Variants in ADPGK observed in about 807,000 individuals in gnomAD.
ADPGK encodes ADP-dependent glucokinase.
Under a neutral mutation model 42.4 loss-of-function variants are expected in ADPGK, and 26 were observed. The ratio of observed to expected loss-of-function variants is 0.61; its 90% CI spans 0.45 to 0.85. The LOEUF is 0.85. ADPGK is among the 40% of genes least tolerant of loss of function. The pLI is 0.00. For synonymous variants in ADPGK, 267 were observed against 252.6 expected (o/e 1.06, Z -0.54); for missense variants, 571 against 627.0 (o/e 0.91, Z 0.95).
chr15:72,782,509 A>G (rs1012962289), intron 1 of ADPGK, among the ~76,000 whole-genome samples: 1 of 125,090 alleles, frequency 8.0e-6, no homozygotes, highest in African/African-American at 3.0e-5. Flanking sequence ...TAGGCGACAG[A>G]GAGAGAGACC....
chr15:72,755,956 T>C (rs1466879543), intron 5 of ADPGK: 2 of 653,378 alleles, frequency 3.1e-6, no homozygotes, highest in Admixed American at 2.1e-5. Context: ...ATGATACAAA[T>C]AACACAAAGG....
At chr15:72,776,821 A>G (rs2066397797) in intron 1 of ADPGK, among the ~76,000 whole-genome samples, 1 of 152,216 alleles carries the variant, frequency 6.6e-6, no homozygotes, top group South Asian at 2.1e-4. Flanking sequence ...TTTGCCTATC[A>G]AATAGCATTT....
At chr15:72,779,731 C>T (rs553367836) in intron 1 of ADPGK, among the ~76,000 whole-genome samples, 11 of 152,256 alleles carry the variant, frequency 7.2e-5, no homozygotes, top group Non-Finnish European at 1.6e-4. Context: ...TTTTTACCTT[C>T]TCCTCTTCTC....
chr15:72,781,000 T>A (rs1441568422), intron 1 of ADPGK, among the ~76,000 whole-genome samples: 1 of 152,192 alleles, frequency 6.6e-6, no homozygotes, highest in East Asian at 1.9e-4. Context: ...TTCCTCCTTA[T>A]GAATCACATT....
At position 72,751,313 on chromosome 15, in the gene ADPGK, T is replaced by C. The variant is rs902487396; in HGVS notation, c.*1028A>G. On this transcript the variant is annotated 3_prime_UTR_variant, in exon 7 of 7. Coordinates refer to ENST00000456471, the MANE Select transcript of ADPGK (RefSeq NM_001365225.1). ...CACAAATGAAGATCAGAATGATTTT[T>C]ATCTTATCTGGTTCCAGAGTGGTGA... The C allele has an allele frequency of 9.2e-5, 14 of 152,668 alleles. No individual in the cohort carries two copies. The highest frequency in any genetic ancestry group is 3.4e-4 in the African/African-American group (14 of 41,462). 9.5% of individuals were successfully genotyped at this position (152,668 alleles called of 1,614,324 possible).
rs73430331 is a variant in ADPGK at position 72,782,343 on chromosome 15, G to T, written c.233+1116C>A. 7.8e-3 allele frequency among the ~76,000 whole-genome samples: 1,190 copies of T among 151,828 alleles called. 21 individuals carry two copies. The highest frequency in any genetic ancestry group is 0.058 in the South Asian group (277 of 4,796). ...AGCCTGGGCAATATAGCAAGACCTC[G>T]ACTCTACTAAAAAAAATAAAATAAA... On this transcript the variant is annotated intron_variant, in intron 1 of 6. Transcript: ENST00000456471.
intron 3 of ADPGK, among the ~76,000 whole-genome samples, chr15:72,769,848 T>C (rs371071508): frequency 3.3e-5 from 5 of 152,218 alleles, no homozygotes; most frequent in East Asian, 1.9e-4. Context: ...CCATGCCTCA[T>C]TTTTCCTATC....
intron 4 of ADPGK, chr15:72,758,049 G>T (rs562245802): frequency 1.2e-6 from 2 of 1,601,626 alleles, no homozygotes; most frequent in Admixed American, 1.7e-5. Flanking sequence ...GTGAAATTCT[G>T]TAACAGTGCC....
chr15:72,758,248 GGT>G, intron 4 of ADPGK: 1 of 887,836 alleles, frequency 1.1e-6, no homozygotes, highest in Non-Finnish European at 1.9e-6. Flanking sequence ...TGCCTGTAAT[GGT>G]AGTTAGCGCC....
chr15:72,770,749 C>A (rs974516685), intron 3 of ADPGK, among the ~76,000 whole-genome samples: 7 of 152,084 alleles, frequency 4.6e-5, no homozygotes, highest in Non-Finnish European at 7.4e-5. Context: ...TATGAATGTT[C>A]ACATTTTAAT....
chr15:72,780,968 C>T (rs766983335), intron 1 of ADPGK, among the ~76,000 whole-genome samples: 1 of 152,158 alleles, frequency 6.6e-6, no homozygotes, highest in Non-Finnish European at 1.5e-5. Context: ...GCCTCTTAAA[C>T]CAGTGTCAGG....
At chr15:72,757,893 G>A in intron 4 of ADPGK, 1 of 572,040 alleles carries the variant, frequency 1.7e-6, no homozygotes, top group Non-Finnish European at 3.1e-6. Flanking sequence ...GATTTCTTCA[G>A]GAAGTGACAG....
chr15:72,783,529 C>T lies in ADPGK; in HGVS notation c.163G>A (p.Gly55Ser), dbSNP rs1325919503. The part of the protein sequence containing the change: ...PAPPGPVSPE[G>S]RLAAAWDALI... ...GCGTCCCAGGCTGCCGCCAACCGGC[C>T]CTCGGGGGAGACGGGTCCCGGGGGC... The change falls in exon 1 of 7, where the codon GGC (glycine) becomes AGC (serine). Residue 55 changes from glycine to serine, a missense_variant. This residue lies in a region of ADPGK where 137 missense variants were observed against 104.2 expected (regional missense o/e 1.31). Coordinates refer to ENST00000456471, the MANE Select transcript of ADPGK (RefSeq NM_001365225.1). The T allele has an allele frequency of 1.3e-6, 2 of 1,485,622 alleles. No individual in the cohort carries two copies. Among genetic ancestry groups the T allele is most frequent in the South Asian group, 2.5e-5 (2 of 79,058 alleles). 92.0% of individuals were successfully genotyped at this position (1,485,622 alleles called of 1,614,324 possible).
At chr15:72,759,323 C>T (rs2066160921) in intron 4 of ADPGK, among the ~76,000 whole-genome samples, 1 of 152,240 alleles carries the variant, frequency 6.6e-6, no homozygotes, top group Non-Finnish European at 1.5e-5. Context: ...GCAGTAAAAA[C>T]TATTACTCTT....
intron 3 of ADPGK, among the ~76,000 whole-genome samples, chr15:72,769,105 T>C (rs2066296983): frequency 6.6e-6 from 1 of 152,204 alleles, no homozygotes; most frequent in Admixed American, 6.5e-5. Context: ...TTCTTGGGCA[T>C]TGATGTAAAA....
Position 72,760,502 on chromosome 15 carries a change from G to A in ADPGK, c.548C>T (p.Pro183Leu), listed in dbSNP as rs1419298224. 1.2e-6 allele frequency: 2 copies of A among 1,607,036 alleles called. 1 individual carries two copies. Among genetic ancestry groups the A allele is most frequent in the Admixed American group, 3.3e-5 (2 of 59,860 alleles). Residue 183 changes from proline (P) to leucine (L), a missense_variant, in exon 4 of 7, where the codon CCA (proline) becomes CTA (leucine). Physicochemically the swap from Pro to Leu is moderately conservative, Grantham distance 98. Coordinates refer to ENST00000456471, the MANE Select transcript of ADPGK (RefSeq NM_001365225.1). ...GTCATCAAGAAGCTCATGTAGCTTTGGACCAACTGGACCGCAAAGAAGAAC... is the reference window on the plus strand; with the variant it reads ...GTCATCAAGAAGCTCATGTAGCTTTAGACCAACTGGACCGCAAAGAAGAAC... ...LKVLLCGPVG[P>L]KLHELLDDNV...
intron 3 of ADPGK, among the ~76,000 whole-genome samples, chr15:72,764,563 G>A (rs745464792): frequency 2.6e-5 from 4 of 152,216 alleles, no homozygotes; most frequent in Admixed American, 6.5e-5. Context: ...AATGCAAGGT[G>A]AGGCAGCAAG....
At chr15:72,754,177 T>A (rs769119649) in intron 6 of ADPGK, among the ~76,000 whole-genome samples, 1 of 151,648 alleles carries the variant, frequency 6.6e-6, no homozygotes, top group East Asian at 1.9e-4. Context: ...AACAGAGTAT[T>A]CAAGGATGTG....
intron 6 of ADPGK, among the ~76,000 whole-genome samples, chr15:72,753,243 C>T (rs1379670978): frequency 6.6e-6 from 1 of 152,208 alleles, no homozygotes; most frequent in African/African-American, 2.4e-5. Context: ...ACTGATGGGG[C>T]ATGGCTCTCA....
Sources: allele counts gnomAD v4.1 joint callset (sites outside exome capture counted in the v4.1 genomes callset), GRCh38; gene constraint gnomAD v4.1.1; regional missense constraint gnomAD v4.1.1; transcripts MANE v1.5; gene names NCBI Gene and HGNC (gene_info 2026-07-23, HGNC 2026-07-21).